Variants in AXDND1 observed in about 807,000 individuals in gnomAD.
AXDND1 encodes the protein axonemal dynein light chain domain containing 1.
A neutral mutation model predicts 137.5 loss-of-function variants in AXDND1; 110 were observed. That is an observed-to-expected ratio of 0.80 (90% CI 0.69 to 0.94). The LOEUF is 0.94. AXDND1 is among the 40% of genes least tolerant of loss of function. AXDND1 has a pLI of 0.00. For missense variants in AXDND1, 1,191 were observed against 1,169.8 expected (o/e 1.02, Z -0.26); for synonymous variants, 414 against 399.7 (o/e 1.04, Z -0.43).
In AXDND1 at chr1:179,430,549, C is replaced by T; in HGVS notation, c.1430C>T (p.Thr477Ile). Residue 477 changes from threonine to isoleucine, a missense_variant, in exon 14 of 26, where the codon ACA becomes ATA. Coordinates refer to ENST00000367618, the MANE Select transcript of AXDND1 (RefSeq NM_144696.6). ...GAGGTAGAACAAATGGAAGAGTCTA[C>T]AAGCGAGACACTGAAAATTGTTAAG... is the stretch of plus-strand genomic sequence containing the variant. ...KQEVEQMEES[T>I]SETLKIVKDG... 2.5e-6 allele frequency: 4 copies of T among 1,613,904 alleles called. No individual in the cohort carries two copies. Among genetic ancestry groups the T allele is most frequent in the Non-Finnish European group, 3.4e-6 (4 of 1,179,932 alleles).
At chr1:179,495,973 G>A (rs953345798) in intron 20 of AXDND1, among the ~76,000 whole-genome samples, 8 of 147,726 alleles carry the variant, frequency 5.4e-5, no homozygotes, top group South Asian at 4.2e-4. Context: ...TGAGATGCTC[G>A]TGAGTTGTCT....
At chr1:179,370,767 T>A (rs188615167) in intron 4 of AXDND1, among the ~76,000 whole-genome samples, 1 of 152,258 alleles carries the variant, frequency 6.6e-6, no homozygotes, top group East Asian at 1.9e-4. Flanking sequence ...TTAACATACT[T>A]GAGTAGGTTA....
chr1:179,406,035 T>C (rs1358898827), intron 11 of AXDND1, among the ~76,000 whole-genome samples: 1 of 152,170 alleles, frequency 6.6e-6, no homozygotes, highest in Non-Finnish European at 1.5e-5. Flanking sequence ...TTAGCACTAC[T>C]TTTGCATTAT....
At chr1:179,372,014 T>A (rs893655966) in intron 4 of AXDND1, among the ~76,000 whole-genome samples, 1 of 152,204 alleles carries the variant, frequency 6.6e-6, no homozygotes, top group Admixed American at 6.5e-5. Context: ...GAGACCCTGT[T>A]GGACTTCTGA....
chr1:179,386,050 C>CTTTTT (rs71111980), intron 9 of AXDND1, among the ~76,000 whole-genome samples: 2 of 102,422 alleles, frequency 2.0e-5, no homozygotes, highest in Non-Finnish European at 3.8e-5. Flanking sequence ...GGATTTTTTC[C>CTTTTT]TTTTTTTTTT....
At chr1:179,438,958 G>T (rs1007243051) in intron 15 of AXDND1, among the ~76,000 whole-genome samples, 2 of 152,002 alleles carry the variant, frequency 1.3e-5, no homozygotes, top group African/African-American at 4.8e-5. Flanking sequence ...GTGGGCTAAA[G>T]CCTGCTCCAT....
intron 17 of AXDND1, among the ~76,000 whole-genome samples, chr1:179,477,013 T>C (rs974536256): frequency 4.6e-5 from 7 of 152,036 alleles, no homozygotes; most frequent in African/African-American, 9.7e-5. Flanking sequence ...CAAGGCTGTT[T>C]TCATGTCGCT....
At chr1:179,375,911 C>T (rs1042550691) in intron 4 of AXDND1, among the ~76,000 whole-genome samples, 4 of 152,100 alleles carry the variant, frequency 2.6e-5, no homozygotes, top group African/African-American at 7.2e-5. Flanking sequence ...CCAATATATA[C>T]GTTTAAAAAT....
chr1:179,496,012 A>G (rs1667414381), intron 20 of AXDND1, among the ~76,000 whole-genome samples: 1 of 150,446 alleles, frequency 6.6e-6, no homozygotes, highest in South Asian at 2.1e-4. Context: ...GGTGAATTAC[A>G]TTTATTGATT....
At chr1:179,389,072 C>G (rs577077600) in intron 9 of AXDND1, among the ~76,000 whole-genome samples, 1 of 148,134 alleles carries the variant, frequency 6.8e-6, no homozygotes, top group South Asian at 2.1e-4. Context: ...CCTCCGCATT[C>G]AAGTGATTCT....
At chr1:179,434,681 T>G (rs6671807) in intron 15 of AXDND1, among the ~76,000 whole-genome samples, 1 of 152,040 alleles carries the variant, frequency 6.6e-6, no homozygotes, top group African/African-American at 2.4e-5. Context: ...CTCAATAAAC[T>G]AGGTATTGAT....
chr1:179,393,947 T>G lies in AXDND1; in HGVS notation c.908T>G (p.Ile303Ser), dbSNP rs747360696. The G allele has an allele frequency of 6.2e-7, 1 of 1,612,272 alleles. No individual in the cohort carries two copies. The highest frequency in any genetic ancestry group is 8.5e-7 in the Non-Finnish European group (1 of 1,179,384). ...CTTGACCAGATTGCTCGGCAGATGA[T>G]TGATTTCTACAAAGACTTGGTAACT... ...QMLDQIARQM[I>S]DFYKDLVTQR... Residue 303 changes from isoleucine (I) to serine (S), a missense_variant, in exon 10 of 26, where the codon ATT becomes AGT. Ile to Ser is a moderately radical substitution (Grantham distance 142, BLOSUM62 -2). Transcript: ENST00000367618.
chr1:179,547,901 C>T (rs1271896319), intron 25 of AXDND1, among the ~76,000 whole-genome samples: 2 of 152,096 alleles, frequency 1.3e-5, no homozygotes, highest in African/African-American at 4.8e-5. Context: ...AACAGTCAAA[C>T]CCAGGCAAGA....
At chr1:179,525,561 A>C in intron 22 of AXDND1, 114 bp downstream of exon 22, 1 of 1,258,324 alleles carries the variant, frequency 7.9e-7, no homozygotes, top group South Asian at 1.7e-5. Context: ...CTGTGGTATC[A>C]TCATAGCTCA....
chr1:179,526,591 TC>T (rs1193344015), intron 22 of AXDND1, among the ~76,000 whole-genome samples: 5 of 152,248 alleles, frequency 3.3e-5, no homozygotes, highest in Non-Finnish European at 5.9e-5. Context: ...TTGATATATT[TC>T]TTCTCTGTAT....
chr1:179,453,927 C>T (rs1363571266), intron 16 of AXDND1: 1 of 152,124 alleles, frequency 6.6e-6, no homozygotes, highest in African/African-American at 2.4e-5. Context: ...TGCCTGTACC[C>T]CCTTCGTGTC....
At chr1:179,490,294 C>T (rs1304392816) in intron 18 of AXDND1, among the ~76,000 whole-genome samples, 4 of 152,110 alleles carry the variant, frequency 2.6e-5, no homozygotes, top group African/African-American at 9.7e-5. Flanking sequence ...ATGTTTAAGC[C>T]TAGAGAAATA....
rs554164803 is a variant in AXDND1, at chr1:179,384,668, T to C, written c.742-570T>C. ...TGTTCTTCAATTTTGGTTTGTCAGATGTATAGTCATGATTTTAGATTGGGG... is the reference window on the plus strand; with the variant it reads ...TGTTCTTCAATTTTGGTTTGTCAGACGTATAGTCATGATTTTAGATTGGGG... On this transcript the variant is annotated intron_variant, in intron 8 of 25. Transcript: ENST00000367618. Among the ~76,000 whole-genome samples, 4 of 152,322 alleles carry C rather than the reference T, an allele frequency of 2.6e-5. No homozygotes were observed. In the East Asian group the frequency reaches 5.8e-4, roughly 22 times the overall value.
At chr1:179,418,950 G>A (rs559023827) in intron 12 of AXDND1, among the ~76,000 whole-genome samples, 204 of 151,600 alleles carry the variant, frequency 1.3e-3, no homozygotes, top group South Asian at 6.0e-3. Flanking sequence ...GGTCGCCGCC[G>A]GGCAGAGGCG....
Sources: gnomAD v4.1 joint callset for allele counts (sites outside exome capture counted in the v4.1 genomes callset) on GRCh38, gnomAD v4.1.1 for gene constraint, MANE v1.5 for transcripts, NCBI Gene and HGNC (gene_info 2026-07-23, HGNC 2026-07-21) for gene names.